Variants in ZNF438 observed in about 807,000 individuals in gnomAD.
The protein encoded by ZNF438 is zinc finger protein 438.
A neutral mutation model predicts 38.0 loss-of-function variants in ZNF438; 25 were observed. That is an observed-to-expected ratio of 0.66 (90% CI 0.48 to 0.92). The LOEUF (loss-of-function observed/expected upper bound fraction) is 0.92, where lower values mean the gene tolerates loss of function less well. Ranked by LOEUF, ZNF438 falls within the 40% of genes least tolerant of loss-of-function variation. ZNF438 has a pLI of 0.00. For synonymous variants in ZNF438, 372 were observed against 364.1 expected (o/e 1.02, Z -0.25); for missense variants, 1,007 against 999.6 (o/e 1.01, Z -0.10).
intron 1 of ZNF438, among the ~76,000 whole-genome samples, chr10:30,972,574 T>C (rs1478408180): frequency 1.3e-5 from 2 of 152,206 alleles, no homozygotes; most frequent in African/African-American, 4.8e-5. Context: ...AGTGGGCCTT[T>C]TGTGGCTCAG....
At chr10:30,885,935 G>T (rs986423993) in intron 3 of ZNF438, among the ~76,000 whole-genome samples, 2 of 152,156 alleles carry the variant, frequency 1.3e-5, no homozygotes, top group African/African-American at 4.8e-5. Context: ...TTAGAAGCAG[G>T]ATTAGAGGAA....
chr10:30,940,023 T>C (rs2046650253), intron 2 of ZNF438, among the ~76,000 whole-genome samples: 1 of 152,234 alleles, frequency 6.6e-6, no homozygotes. Flanking sequence ...TGACTGTATC[T>C]TGTTAACTGC....
At chr10:30,878,293 C>T (rs2038739959) in intron 3 of ZNF438, among the ~76,000 whole-genome samples, 1 of 152,118 alleles carries the variant, frequency 6.6e-6, no homozygotes, top group Non-Finnish European at 1.5e-5. Flanking sequence ...AGACCCTGGA[C>T]TCAGTCAGTA....
intron 3 of ZNF438, among the ~76,000 whole-genome samples, chr10:30,889,442 A>C (rs1455988123): frequency 6.6e-6 from 1 of 151,532 alleles, no homozygotes; most frequent in Admixed American, 6.6e-5. Context: ...CCTGAGTCTC[A>C]CTCTGTCACC....
intron 2 of ZNF438, among the ~76,000 whole-genome samples, chr10:30,918,341 AATCTACAG>A (rs1310754771): frequency 6.6e-6 from 1 of 152,166 alleles, no homozygotes; most frequent in East Asian, 1.9e-4. Flanking sequence ...GATTATGTTG[AATCTACAG>A]ATCAATTTTG....
chr10:30,924,818 C>T (rs186715393), intron 2 of ZNF438, among the ~76,000 whole-genome samples: 3 of 152,090 alleles, frequency 2.0e-5, no homozygotes, highest in Admixed American at 6.5e-5. Context: ...TGGGTTAGAT[C>T]CTGCAATGAA....
intron 2 of ZNF438, among the ~76,000 whole-genome samples, chr10:30,927,270 CTGTT>C (rs2045062075): frequency 1.3e-5 from 2 of 151,198 alleles, no homozygotes; most frequent in African/African-American, 4.9e-5. Context: ...AAGCCTTTGA[CTGTT>C]TGACCCTTAA....
chr10:30,849,960 C>G (rs763312576), exon 5 of ZNF438: 2 of 1,614,118 alleles, frequency 1.2e-6, no homozygotes, highest in Non-Finnish European at 1.7e-6. Context: ...TGGGCAGGAG[C>G]TTTGCTACAG....
At chr10:30,956,463 T>G (rs2048874755) in intron 1 of ZNF438, among the ~76,000 whole-genome samples, 1 of 152,218 alleles carries the variant, frequency 6.6e-6, no homozygotes, top group African/African-American at 2.4e-5. Context: ...AATATGTTAT[T>G]ATTAACTAAA....
At chr10:30,896,889 G>A (rs544940085) in intron 3 of ZNF438, among the ~76,000 whole-genome samples, 24 of 152,174 alleles carry the variant, frequency 1.6e-4, no homozygotes, top group Non-Finnish European at 3.2e-4. Flanking sequence ...CTGACATGAA[G>A]CATAGGCCTT....
intron 4 of ZNF438, among the ~76,000 whole-genome samples, chr10:30,874,195 C>T (rs2038056937): frequency 3.4e-5 from 5 of 146,446 alleles, no homozygotes. Flanking sequence ...GTTGTCCAGG[C>T]TGGAATGCCA....
intron 2 of ZNF438, among the ~76,000 whole-genome samples, chr10:30,915,394 T>C (rs1180545627): frequency 6.6e-6 from 1 of 152,064 alleles, no homozygotes; most frequent in Non-Finnish European, 1.5e-5. Flanking sequence ...TGCAATTGTG[T>C]ATATTTAGGT....
intron 3 of ZNF438, among the ~76,000 whole-genome samples, chr10:30,900,200 C>CATTGATCA (rs1420915575): frequency 6.6e-6 from 1 of 152,036 alleles, no homozygotes; most frequent in African/African-American, 2.4e-5. Context: ...ATATCATTTT[C>CATTGATCA]ATTGATCACA....
rs530428890 is a variant in ZNF438 at position 30,891,221 on chromosome 10, GCT to G, written c.-31-14158_-31-14157del. Reference sequence around the variant, plus strand: ...AAGATTTCCTCATTTACTTTGCTCTGCTCTCTTTTTTTCCCCCTTGAATTCCT... The same window carrying G: ...AAGATTTCCTCATTTACTTTGCTCTGCTCTTTTTTTCCCCCTTGAATTCCT... On this transcript the variant is annotated intron_variant, in intron 3 of 5. Coordinates refer to ENST00000413025, the Ensembl canonical transcript of ZNF438. Among the ~76,000 whole-genome samples, 49 of 152,158 alleles carry G rather than the reference GCT, an allele frequency of 3.2e-4. No homozygotes were observed. In the East Asian group the frequency reaches 8.5e-3, roughly 26 times the overall value.
chr10:30,881,069 T>C (rs2039182561), intron 3 of ZNF438, among the ~76,000 whole-genome samples: 2 of 152,168 alleles, frequency 1.3e-5, no homozygotes, highest in Admixed American at 1.3e-4. Flanking sequence ...TCCCTCCAAG[T>C]TCACAAACAA....
intron 3 of ZNF438, among the ~76,000 whole-genome samples, chr10:30,880,351 A>C (rs2039051841): frequency 1.3e-5 from 2 of 151,632 alleles, no homozygotes; most frequent in African/African-American, 4.8e-5. Flanking sequence ...GAATCGCTTG[A>C]ACCCAGGAGG....
rs151180799 is a variant in ZNF438 at position 30,913,501 on chromosome 10, G to C, written c.-114-4486C>G. ...TTTGCTTAAATGTATCCTCCTTAGG[G>C]AAGCCTTCTCTGGCCTCCCAGATGA... is the stretch of plus-strand genomic sequence containing the variant. On this transcript the variant is annotated intron_variant, in intron 2 of 5. Transcript: ENST00000413025. Among the ~76,000 whole-genome samples the C allele has an allele frequency of 2.7e-3, 403 of 152,046 alleles. 3 individuals carry two copies. The highest frequency in any genetic ancestry group is 7.9e-3 in the Admixed American group (120 of 15,256).
At chr10:30,958,562 T>C (rs1162231648) in intron 1 of ZNF438, among the ~76,000 whole-genome samples, 1 of 146,860 alleles carries the variant, frequency 6.8e-6, no homozygotes, top group African/African-American at 2.4e-5. Flanking sequence ...GTGCAATTTA[T>C]ATGCCATAAA....
At chr10:30,879,486 G>T (rs1494115) in intron 3 of ZNF438, among the ~76,000 whole-genome samples, 56,987 of 151,926 alleles carry the variant, frequency 0.38, 11,037 homozygotes, top group Admixed American at 0.41. Flanking sequence ...ATGCAGAAAC[G>T]CAGAAAAATA....
Sources: gnomAD v4.1 joint callset for allele counts (sites outside exome capture counted in the v4.1 genomes callset) on GRCh38, gnomAD v4.1.1 for gene constraint, MANE v1.5 for transcripts, NCBI Gene and HGNC (gene_info 2026-07-23, HGNC 2026-07-21) for gene names.